PLXDC2: variants seen among roughly 807,000 people sequenced by gnomAD.
The protein encoded by PLXDC2 is plexin domain-containing protein 2.
PLXDC2 carries 40 observed loss-of-function variants against 68.9 expected under a neutral mutation model. The observed-to-expected ratio is 0.58, with a 90% confidence interval of 0.45 to 0.76. The LOEUF (loss-of-function observed/expected upper bound fraction) is 0.76, where lower values mean the gene tolerates loss of function less well. Ranked by LOEUF, PLXDC2 falls within the 30% of genes least tolerant of loss-of-function variation. The pLI, the probability that PLXDC2 is intolerant of heterozygous loss-of-function variation, is 0.00. For missense variants in PLXDC2, 644 were observed against 661.9 expected (o/e 0.97, Z 0.30); for synonymous variants, 243 against 234.2 (o/e 1.04, Z -0.34).
In PLXDC2 at chr10:20,279,880, T is replaced by C. The variant is rs748401589; in HGVS notation, c.*61T>C. On this transcript the variant is annotated 3_prime_UTR_variant, in exon 14 of 14. Coordinates refer to ENST00000377252, the MANE Select transcript of PLXDC2 (RefSeq NM_032812.9). ...CAGGTGTTAAGACTAAAATTTTGCC[T>C]ATACCTTTAAGACAAACAAACAAAC... 1.7e-5 allele frequency: 24 copies of C among 1,389,868 alleles called. No individual in the cohort carries two copies. The highest frequency in any genetic ancestry group is 2.4e-5 in the Non-Finnish European group (24 of 981,134). 86.1% of individuals were successfully genotyped at this position (1,389,868 alleles called of 1,614,324 possible).
intron 1 of PLXDC2, among the ~76,000 whole-genome samples, chr10:19,884,128 C>A (rs985335148): frequency 6.6e-6 from 1 of 151,022 alleles, no homozygotes; most frequent in Non-Finnish European, 1.5e-5. Flanking sequence ...AACTCCTGAG[C>A]TCAAGTGATC....
chr10:20,055,620 G>A (rs191230896), intron 3 of PLXDC2, among the ~76,000 whole-genome samples: 2 of 152,090 alleles, frequency 1.3e-5, no homozygotes, highest in African/African-American at 4.8e-5. Context: ...TCTGTCTTTT[G>A]AGTTGCTTCA....
rs141319572 is a variant in PLXDC2, at chr10:19,945,234, G to A, written c.113-56541G>A. Reference sequence around the variant, plus strand: ...ATACAAGAGCACTTGTAGATTTCTTGGCCCTTTAAAGGCTTCTTTTGCTGA... The same window carrying A: ...ATACAAGAGCACTTGTAGATTTCTTAGCCCTTTAAAGGCTTCTTTTGCTGA... On this transcript the variant is annotated intron_variant, in intron 1 of 13. Coordinates refer to ENST00000377252, the MANE Select transcript of PLXDC2 (RefSeq NM_032812.9). Among the ~76,000 whole-genome samples, 357 of 152,142 alleles carry A rather than the reference G, an allele frequency of 2.3e-3. 1 individual carries two copies. The highest frequency in any genetic ancestry group is 8.1e-3 in the African/African-American group (337 of 41,506).
intron 1 of PLXDC2, among the ~76,000 whole-genome samples, chr10:19,822,575 T>C (rs576615998): frequency 5.9e-5 from 9 of 152,286 alleles, no homozygotes; most frequent in African/African-American, 1.9e-4. Flanking sequence ...GCTCTACCAA[T>C]TTACATTCCC....
intron 1 of PLXDC2, among the ~76,000 whole-genome samples, chr10:19,939,089 T>C (rs181684119): frequency 2.6e-4 from 40 of 152,298 alleles, no homozygotes; most frequent in Non-Finnish European, 5.1e-4. Context: ...TATTTCAAGG[T>C]TTTATGCACC....
chr10:19,968,370 TG>T (rs1834298983), intron 1 of PLXDC2, among the ~76,000 whole-genome samples: 1 of 152,194 alleles, frequency 6.6e-6, no homozygotes, highest in African/African-American at 2.4e-5. Context: ...TGGAGTGCAG[TG>T]GCACGATCTC....
intron 4 of PLXDC2, among the ~76,000 whole-genome samples, chr10:20,086,355 T>C (rs1833195853): frequency 7.1e-6 from 1 of 140,904 alleles, no homozygotes; most frequent in South Asian, 2.4e-4. Flanking sequence ...ATTTTATTTA[T>C]TTTTTAATTT....
At chr10:19,976,070 C>T (rs1024872928) in intron 1 of PLXDC2, among the ~76,000 whole-genome samples, 1 of 152,114 alleles carries the variant, frequency 6.6e-6, no homozygotes, top group African/African-American at 2.4e-5. Flanking sequence ...AGTGGCCTAT[C>T]CCCATGCAAA....
At chr10:19,828,230 G>T (rs926141367) in intron 1 of PLXDC2, among the ~76,000 whole-genome samples, 1 of 152,154 alleles carries the variant, frequency 6.6e-6, no homozygotes, top group Non-Finnish European at 1.5e-5. Flanking sequence ...GGAAAGAAAG[G>T]TAAAATCTCC....
chr10:20,215,895 G>A (rs1437413841), intron 10 of PLXDC2, among the ~76,000 whole-genome samples: 1 of 152,098 alleles, frequency 6.6e-6, no homozygotes, highest in Non-Finnish European at 1.5e-5. Context: ...AAAGTGGAGA[G>A]AGCTTGAAAT....
intron 10 of PLXDC2, among the ~76,000 whole-genome samples, chr10:20,214,097 C>G (rs1475549718): frequency 6.6e-6 from 1 of 152,098 alleles, no homozygotes; most frequent in East Asian, 1.9e-4. Context: ...AAATTTGACA[C>G]TTATTACATC....
At position 20,284,407 on chromosome 10, in the gene PLXDC2, A is replaced by ATGAGTGTG. The variant is rs1836123980; in HGVS notation, c.*4590_*4591insAGTGTGTG. ...ATATTTGATAGAGATGATAGCAATT[A>ATGAGTGTG]TGTGTGTGTGTGTGTGTGTGTGTGT... On this transcript the variant is annotated 3_prime_UTR_variant, in exon 14 of 14. Coordinates refer to ENST00000377252, the MANE Select transcript of PLXDC2 (RefSeq NM_032812.9). The ATGAGTGTG allele has an allele frequency of 1.5e-5, 2 of 135,900 alleles. No homozygotes were observed. The highest frequency in any genetic ancestry group is 7.5e-5 in the Admixed American group (1 of 13,346). 8.4% of individuals were successfully genotyped at this position (135,900 alleles called of 1,614,324 possible).
intron 1 of PLXDC2, among the ~76,000 whole-genome samples, chr10:19,979,914 G>C (rs997490691): frequency 6.6e-6 from 1 of 152,104 alleles, no homozygotes; most frequent in Admixed American, 6.6e-5. Context: ...CTGGCATTCT[G>C]TTCATTTTCC....
At chr10:19,945,480 C>T (rs1833887216) in intron 1 of PLXDC2, among the ~76,000 whole-genome samples, 1 of 152,218 alleles carries the variant, frequency 6.6e-6, no homozygotes, top group African/African-American at 2.4e-5. Context: ...CACTGAGGAT[C>T]TGCTTTGCCA....
chr10:20,173,027 C>A (rs1012165185), intron 7 of PLXDC2, among the ~76,000 whole-genome samples: 2 of 152,186 alleles, frequency 1.3e-5, no homozygotes, highest in Non-Finnish European at 2.9e-5. Context: ...GCTAATTCTG[C>A]TAATGCATTG....
rs373708153 is a variant in PLXDC2 at position 20,126,403 on chromosome 10, G to A, written c.542-16892G>A. 3.8e-4 allele frequency among the ~76,000 whole-genome samples: 28 copies of A among 73,326 alleles called. 1 individual carries two copies. Among genetic ancestry groups the A allele is most frequent in the Admixed American group, 8.4e-4 (5 of 5,920 alleles). The allele number at this position is 73,326 out of a possible 152,430, so 48.1% of individuals were successfully genotyped here. The stretch of plus-strand genomic sequence containing the variant: ...CATATGTGTTATATAATACATATAT[G>A]TATATACAACACACGTTATATATGT... On this transcript the variant is annotated intron_variant, in intron 4 of 13. Transcript: ENST00000377252.
At chr10:20,008,772 A>G (rs1380246060) in intron 2 of PLXDC2, among the ~76,000 whole-genome samples, 1 of 152,118 alleles carries the variant, frequency 6.6e-6, no homozygotes, top group Admixed American at 6.5e-5. Context: ...ACTGAATCAT[A>G]GGGGCAGGCT....
At chr10:20,124,165 A>G (rs1833738706) in intron 4 of PLXDC2, among the ~76,000 whole-genome samples, 1 of 152,164 alleles carries the variant, frequency 6.6e-6, no homozygotes, top group Non-Finnish European at 1.5e-5. Context: ...ATAATCAGAG[A>G]GGCATCCCTG....
intron 1 of PLXDC2, among the ~76,000 whole-genome samples, chr10:19,998,387 G>A (rs56303964): frequency 0.11 from 16,149 of 152,066 alleles, 1,061 homozygotes; most frequent in South Asian, 0.17. Flanking sequence ...TTTAGAAGTG[G>A]GATCAAAATC....
Sources: allele counts gnomAD v4.1 joint callset (sites outside exome capture counted in the v4.1 genomes callset), GRCh38; gene constraint gnomAD v4.1.1; transcripts MANE v1.5; gene names NCBI Gene and HGNC (gene_info 2026-07-23, HGNC 2026-07-21).